Variants in N4BP2L2 observed in about 807,000 individuals in gnomAD.
N4BP2L2 encodes the protein NEDD4-binding protein 2-like 2.
N4BP2L2 carries 50 observed loss-of-function variants against 56.2 expected under a neutral mutation model. That is an observed-to-expected ratio of 0.89 (90% CI 0.71 to 1.13). The LOEUF (loss-of-function observed/expected upper bound fraction) is 1.13, where lower values mean the gene tolerates loss of function less well. Among genes scored for constraint, N4BP2L2 ranks in the 50% most tolerant of loss-of-function variants. The probability of loss-of-function intolerance (pLI) is 0.00; values close to 1 mark genes in which losing one functional copy is unlikely to be tolerated. For synonymous variants in N4BP2L2, 203 were observed against 223.6 expected (o/e 0.91, Z 0.82); for missense variants, 689 against 693.8 (o/e 0.99, Z 0.08).
chr13:32,443,880 C>G (rs1050640255), exon 7 of N4BP2L2: 2 of 1,567,838 alleles, frequency 1.3e-6, no homozygotes, highest in African/African-American at 2.7e-5. Context: ...TATATCCAGT[C>G]ACAAAATCTC....
chr13:32,497,713 C>T (rs544955258), intron 6 of N4BP2L2, among the ~76,000 whole-genome samples: 3 of 152,216 alleles, frequency 2.0e-5, no homozygotes, highest in Non-Finnish European at 4.4e-5. Context: ...GAGCCCCATA[C>T]AAATATTATG....
chr13:32,475,041 C>T (rs2083039530), intron 6 of N4BP2L2, among the ~76,000 whole-genome samples: 1 of 152,160 alleles, frequency 6.6e-6, no homozygotes, highest in Non-Finnish European at 1.5e-5. Context: ...TCACTGGACA[C>T]TAAAATTATA....
At chr13:32,442,443 T>C (rs1294610751) in exon 7 of N4BP2L2, 3 of 1,611,480 alleles carry the variant, frequency 1.9e-6, no homozygotes, top group East Asian at 4.5e-5. Context: ...CAAACCCTTG[T>C]GATAATGGTA....
At chr13:32,450,034 T>G (rs192884833) in intron 6 of N4BP2L2, among the ~76,000 whole-genome samples, 4 of 152,222 alleles carry the variant, frequency 2.6e-5, no homozygotes, top group Non-Finnish European at 5.9e-5. Context: ...GAAGTTTAAC[T>G]AGCATAATAA....
chr13:32,468,380 A>T (rs1593622677), intron 6 of N4BP2L2, among the ~76,000 whole-genome samples: 1 of 152,360 alleles, frequency 6.6e-6, no homozygotes, highest in East Asian at 1.9e-4. Context: ...ATTTTAACAA[A>T]TATTTGAGTG....
chr13:32,484,861 T>C (rs1041597206), intron 6 of N4BP2L2, among the ~76,000 whole-genome samples: 1 of 152,222 alleles, frequency 6.6e-6, no homozygotes, highest in East Asian at 1.9e-4. Context: ...TTAGAATATG[T>C]TGAATTATTT....
At chr13:32,436,785 C>CAAAAAAAA (rs1174354861) in intron 8 of N4BP2L2, among the ~76,000 whole-genome samples, 2 of 44,960 alleles carry the variant, frequency 4.4e-5, no homozygotes, top group African/African-American at 7.9e-5. Flanking sequence ...GTGTGACTGT[C>CAAAAAAAA]AAAAAAAAAA....
chr13:32,483,009 A>G (rs1237540164), intron 6 of N4BP2L2, among the ~76,000 whole-genome samples: 1 of 152,244 alleles, frequency 6.6e-6, no homozygotes, highest in Non-Finnish European at 1.5e-5. Flanking sequence ...TTCAATGTCT[A>G]TGAATTTTCA....
intron 6 of N4BP2L2, among the ~76,000 whole-genome samples, chr13:32,494,596 T>C (rs1295331858): frequency 6.6e-6 from 1 of 151,584 alleles, no homozygotes; most frequent in African/African-American, 2.4e-5. Flanking sequence ...ACCCCGTCTC[T>C]ACTAAAAACA....
At chr13:32,471,914 A>G (rs2082376308) in intron 6 of N4BP2L2, among the ~76,000 whole-genome samples, 1 of 152,236 alleles carries the variant, frequency 6.6e-6, no homozygotes, top group Non-Finnish European at 1.5e-5. Context: ...GCACAACCTC[A>G]CAAAACGATA....
At chr13:32,504,354 T>C (rs900340283) in intron 6 of N4BP2L2, among the ~76,000 whole-genome samples, 1 of 152,234 alleles carries the variant, frequency 6.6e-6, no homozygotes, top group Non-Finnish European at 1.5e-5. Context: ...CCACAGGGTT[T>C]ATCTCTTCTC....
At chr13:32,527,612 C>G (rs2053420389) in intron 2 of N4BP2L2, 80 bp from the exon 3 acceptor site, 1 of 1,479,222 alleles carries the variant, frequency 6.8e-7, no homozygotes. Flanking sequence ...ATAAATATAA[C>G]CAAGTGAAAT....
At chr13:32,441,666 A>G (rs2076357355) in intron 7 of N4BP2L2, among the ~76,000 whole-genome samples, 1 of 150,776 alleles carries the variant, frequency 6.6e-6, no homozygotes, top group South Asian at 2.1e-4. Flanking sequence ...CCTGGGCGAC[A>G]AGAGCGAAAC....
rs1185615708 is a variant in N4BP2L2 at position 32,492,272 on chromosome 13, A to ATTTTTTTTTTTTTTTTTT, written c.365+25584_365+25585insAAAAAAAAAAAAAAAAAA. Reference sequence around the variant, plus strand: ...TTTTCTACACATCCCAAAACACCAAAATTTTTTTTTTTTTTTTTTTTTTTT... The same window carrying ATTTTTTTTTTTTTTTTTT: ...TTTTCTACACATCCCAAAACACCAAATTTTTTTTTTTTTTTTTTATTTTTTTTTTTTTTTTTTTTTTTT... On this transcript the variant is annotated intron_variant, in intron 6 of 9. Transcript: ENST00000357505. 6.7e-4 allele frequency among the ~76,000 whole-genome samples: 52 copies of ATTTTTTTTTTTTTTTTTT among 77,090 alleles called. 1 individual carries two copies. The highest frequency in any genetic ancestry group is 2.9e-3 in the African/African-American group (51 of 17,582). The allele number at this position is 77,090 out of a possible 152,430, so 50.6% of individuals were successfully genotyped here.
At chr13:32,452,779 A>G (rs1040878935) in intron 6 of N4BP2L2, among the ~76,000 whole-genome samples, 2 of 152,236 alleles carry the variant, frequency 1.3e-5, no homozygotes, top group African/African-American at 4.8e-5. Context: ...TGATCCTATC[A>G]TAAACATAAT....
chr13:32,509,884 A>T (rs1025890869), downstream of N4BP2L2, among the ~76,000 whole-genome samples: 4 of 152,212 alleles, frequency 2.6e-5, no homozygotes, highest in African/African-American at 9.6e-5. Context: ...ACTACTCTTA[A>T]GGAATTAAGA....
intron 6 of N4BP2L2, among the ~76,000 whole-genome samples, chr13:32,500,778 TATAA>T (rs1481017992): frequency 1.3e-5 from 2 of 151,698 alleles, no homozygotes; most frequent in African/African-American, 4.8e-5. Context: ...CTTAAAATAT[TATAA>T]ATGTCGTCTT....
At chr13:32,436,877 T>TATTTA (rs1223206574) in intron 8 of N4BP2L2, among the ~76,000 whole-genome samples, 1 of 149,314 alleles carries the variant, frequency 6.7e-6, no homozygotes, top group Non-Finnish European at 1.5e-5. Context: ...TTTATTTATT[T>TATTTA]ATTTATTTAT....
At chr13:32,516,779 A>T (rs2049308143) in exon 6 of N4BP2L2, 2 of 367,938 alleles carry the variant, frequency 5.4e-6, no homozygotes, top group Non-Finnish European at 7.5e-6. Flanking sequence ...AATGGTATTA[A>T]GAGAAGTAGT....
Sources: allele counts gnomAD v4.1 joint callset (sites outside exome capture counted in the v4.1 genomes callset), GRCh38; gene constraint gnomAD v4.1.1; transcripts MANE v1.5; gene names NCBI Gene and HGNC (gene_info 2026-07-23, HGNC 2026-07-21).